Variants in CEP120 observed in about 807,000 individuals in gnomAD.
CEP120 encodes the protein centrosomal protein of 120 kDa.
CEP120 carries 113 observed loss-of-function variants against 126.5 expected under a neutral mutation model. The ratio of observed to expected loss-of-function variants is 0.89; its 90% CI spans 0.77 to 1.04. The LOEUF is 1.04. Among genes scored for constraint, CEP120 ranks in the 50% least tolerant of loss-of-function variants. The pLI is 0.00. For missense variants in CEP120, 1,230 were observed against 1,155.7 expected, an observed-to-expected ratio of 1.06 and a Z score of -0.93; for synonymous variants, 400 against 394.3, an observed-to-expected ratio of 1.01 and a Z score of -0.17.
chr5:123,407,625 A>G (rs1773783262), intron 4 of CEP120, among the ~76,000 whole-genome samples: 1 of 152,220 alleles, frequency 6.6e-6, no homozygotes, highest in Non-Finnish European at 1.5e-5. Flanking sequence ...GTTGAATCCA[A>G]CTTGGAGACT....
intron 18 of CEP120, among the ~76,000 whole-genome samples, chr5:123,350,875 G>C (rs1769156725): frequency 6.6e-6 from 1 of 152,110 alleles, no homozygotes; most frequent in Non-Finnish European, 1.5e-5. Context: ...GATATTCCAT[G>C]ACTTATTCAA....
At chr5:123,395,888 T>C (rs1772756066) in intron 5 of CEP120, among the ~76,000 whole-genome samples, 2 of 151,966 alleles carry the variant, frequency 1.3e-5, no homozygotes, top group African/African-American at 4.8e-5. Flanking sequence ...TTCACCATGT[T>C]AGCCAGGATG....
Position 123,423,190 on chromosome 5 carries a change from G to A in CEP120, c.-192C>T. On this transcript the variant is annotated 5_prime_UTR_variant, in exon 1 of 20. Coordinates refer to ENST00000306467, the MANE Select transcript of CEP120 (RefSeq NM_001375405.1). ...CCGGCTCCTCTGCCTCGGGCCGCCAGCCCAGATCCTAACTGTGCCCCGACT... is the reference window on the plus strand; with the variant it reads ...CCGGCTCCTCTGCCTCGGGCCGCCAACCCAGATCCTAACTGTGCCCCGACT... 1.7e-6 allele frequency: 1 copy of A among 603,382 alleles called. No homozygotes were observed. Among genetic ancestry groups the A allele is most frequent in the African/African-American group, 1.9e-5 (1 of 53,952 alleles). The allele number at this position is 603,382 out of a possible 1,614,324, so 37.4% of individuals were successfully genotyped here. A position where few individuals can be genotyped will look rare whatever the true frequency, so the allele number is the denominator to read the frequency against.
intron 4 of CEP120, among the ~76,000 whole-genome samples, chr5:123,402,502 C>G (rs529999470): frequency 2.0e-4 from 31 of 152,062 alleles, no homozygotes; most frequent in Non-Finnish European, 2.9e-4. Flanking sequence ...CCTCTGCCCC[C>G]CCGGATTCAA....
At chr5:123,373,101 T>A (rs796952661) in intron 16 of CEP120, among the ~76,000 whole-genome samples, 71 of 152,098 alleles carry the variant, frequency 4.7e-4, no homozygotes, top group African/African-American at 1.7e-3. Context: ...AGATGTCGCA[T>A]ATAAGAAAAA....
At chr5:123,397,518 T>C (rs1772866349) in intron 5 of CEP120, among the ~76,000 whole-genome samples, 1 of 152,168 alleles carries the variant, frequency 6.6e-6, no homozygotes, top group Admixed American at 6.5e-5. Context: ...TAAGCAGACC[T>C]TTAAGAGAAG....
At chr5:123,403,362 T>G (rs1330843315) in intron 4 of CEP120, 2 of 453,874 alleles carry the variant, frequency 4.4e-6, no homozygotes, top group Admixed American at 4.8e-5. Context: ...TATTTGTTGA[T>G]AAGTTCAAAG....
Position 123,346,150 on chromosome 5 carries a change from G to A in CEP120, c.*369C>T, listed in dbSNP as rs751966084. ...TGGAATAGGACGCAGCGTTTTTAAA[G>A]TGCAAGATATACTCTTTTGGCTCAA... On this transcript the variant is annotated 3_prime_UTR_variant, in exon 20 of 20. Coordinates refer to ENST00000306467, the MANE Select transcript of CEP120 (RefSeq NM_001375405.1). The A allele has an allele frequency of 5.6e-5, 10 of 178,068 alleles. No individual in the cohort carries two copies. The highest frequency in any genetic ancestry group is 8.3e-5 in the Non-Finnish European group (7 of 84,604). 11.0% of individuals were successfully genotyped at this position (178,068 alleles called of 1,614,324 possible). A position where few individuals can be genotyped will look rare whatever the true frequency, so the allele number is the denominator to read the frequency against.
At chr5:123,418,926 G>C (rs950773905) in intron 1 of CEP120, among the ~76,000 whole-genome samples, 1 of 152,124 alleles carries the variant, frequency 6.6e-6, no homozygotes, top group Non-Finnish European at 1.5e-5. Context: ...AAGTGTGGTT[G>C]ACATGCATTC....
At chr5:123,419,982 T>G (rs776690075) in intron 1 of CEP120, among the ~76,000 whole-genome samples, 48 of 152,356 alleles carry the variant, frequency 3.2e-4, no homozygotes, top group Non-Finnish European at 6.2e-4. Flanking sequence ...AAATCCCTGC[T>G]GCTACTCACC....
At chr5:123,396,852 A>C (rs1225329377) in intron 5 of CEP120, among the ~76,000 whole-genome samples, 2 of 152,212 alleles carry the variant, frequency 1.3e-5, no homozygotes, top group Non-Finnish European at 2.9e-5. Flanking sequence ...GATCTTCCTA[A>C]GACTTGCTTT....
intron 1 of CEP120, among the ~76,000 whole-genome samples, chr5:123,419,555 A>AAAC (rs200715679): frequency 6.9e-6 from 1 of 145,588 alleles, no homozygotes; most frequent in Non-Finnish European, 1.5e-5. Context: ...AACAAAAACA[A>AAAC]AAAAAAAAAA....
rs1452965886 is a variant in CEP120 at position 123,345,716 on chromosome 5, G to GTCTT, written c.*799_*802dup. On this transcript the variant is annotated 3_prime_UTR_variant, in exon 20 of 20. Coordinates refer to ENST00000306467, the MANE Select transcript of CEP120 (RefSeq NM_001375405.1). ...TTTTCACTCTATTTTTTCAGCTAAT[G>GTCTT]TCTTTATGTGTCTGTTTCCATGTTC... 7 of 152,112 alleles carry GTCTT rather than the reference G, an allele frequency of 4.6e-5. No individual in the cohort carries two copies. In the East Asian group the frequency reaches 5.8e-4, roughly 13 times the overall value. 9.4% of individuals were successfully genotyped at this position (152,112 alleles called of 1,614,324 possible).
chr5:123,388,840 T>G (rs1772197745), intron 8 of CEP120, among the ~76,000 whole-genome samples: 1 of 152,182 alleles, frequency 6.6e-6, no homozygotes, highest in Non-Finnish European at 1.5e-5. Flanking sequence ...TCTCAATACA[T>G]ATAGAAAACG....
At chr5:123,383,312 C>A (rs1158116659) in intron 11 of CEP120, among the ~76,000 whole-genome samples, 2 of 151,958 alleles carry the variant, frequency 1.3e-5, no homozygotes, top group Non-Finnish European at 2.9e-5. Context: ...TACAAAATGA[C>A]CCCTATGAGA....
chr5:123,417,588 T>C (rs1470053344), intron 2 of CEP120, among the ~76,000 whole-genome samples: 1 of 151,988 alleles, frequency 6.6e-6, no homozygotes, highest in Non-Finnish European at 1.5e-5. Context: ...CCTCTATATA[T>C]CCTTGGCAAG....
chr5:123,422,503 GTA>G (rs1774784809), intron 1 of CEP120: 2 of 1,535,230 alleles, frequency 1.3e-6, no homozygotes, highest in African/African-American at 2.7e-5. Flanking sequence ...CTTAAGAACT[GTA>G]GTCCCCTGAG....
chr5:123,400,934 G>A (rs1259528555), intron 4 of CEP120: 65 of 1,551,650 alleles, frequency 4.2e-5, no homozygotes, highest in Middle Eastern at 2.0e-4. Context: ...TGGGCAGGAC[G>A]TCAGAGGACT....
At chr5:123,362,656 C>G (rs927552643) in intron 18 of CEP120, among the ~76,000 whole-genome samples, 2 of 151,718 alleles carry the variant, frequency 1.3e-5, no homozygotes, top group Non-Finnish European at 3.0e-5. Context: ...GCTAATTGCT[C>G]TAACAGTATC....
Sources: allele counts gnomAD v4.1 joint callset (sites outside exome capture counted in the v4.1 genomes callset), GRCh38; gene constraint gnomAD v4.1.1; transcripts MANE v1.5; gene names NCBI Gene and HGNC (gene_info 2026-07-23, HGNC 2026-07-21).